CSMD1: variants seen among roughly 807,000 people sequenced by gnomAD.
The protein encoded by CSMD1 is CUB and sushi domain-containing protein 1.
A neutral mutation model predicts 417.5 loss-of-function variants in CSMD1; 213 were observed. The ratio of observed to expected loss-of-function variants is 0.51; its 90% CI spans 0.46 to 0.57. The LOEUF (loss-of-function observed/expected upper bound fraction) is 0.57. CSMD1 is among the 20% of genes least tolerant of loss of function. CSMD1 has a pLI of 0.00. For missense variants in CSMD1, 6,923 were observed against 4,529.7 expected, an observed-to-expected ratio of 1.53 and a Z score of -15.17; for synonymous variants, 2,862 against 1,736.8, an observed-to-expected ratio of 1.65 and a Z score of -16.11.
At chr8:3,861,469 G>A (rs1317693083) in intron 5 of CSMD1, among the ~76,000 whole-genome samples, 1 of 152,168 alleles carries the variant, frequency 6.6e-6, no homozygotes, top group Non-Finnish European at 1.5e-5. Flanking sequence ...GCATTTGAGA[G>A]GCCATAGATT....
At chr8:4,257,391 C>A (rs1260611730) in intron 3 of CSMD1, among the ~76,000 whole-genome samples, 2 of 151,744 alleles carry the variant, frequency 1.3e-5, no homozygotes, top group African/African-American at 4.9e-5. Flanking sequence ...TACCATTTTT[C>A]TTCATCTCAT....
intron 6 of CSMD1, among the ~76,000 whole-genome samples, chr8:3,750,754 G>C (rs1797298913): frequency 6.6e-6 from 1 of 152,138 alleles, no homozygotes. Context: ...GGAGGGCTGG[G>C]TGGCTGGCAG....
At chr8:4,360,901 A>G (rs1353443241) in intron 3 of CSMD1, among the ~76,000 whole-genome samples, 2 of 152,212 alleles carry the variant, frequency 1.3e-5, no homozygotes, top group Non-Finnish European at 2.9e-5. Context: ...CCCTGAAAGT[A>G]GAATTAGGCT....
intron 26 of CSMD1, 89 bp downstream of exon 26, chr8:3,284,055 A>C (rs1333589648): frequency 5.6e-6 from 6 of 1,063,180 alleles, no homozygotes; most frequent in Non-Finnish European, 8.5e-6. Flanking sequence ...CTGTGTAAGG[A>C]GACGCTGGTG....
intron 3 of CSMD1, among the ~76,000 whole-genome samples, chr8:4,387,371 T>C (rs1431095983): frequency 6.6e-6 from 1 of 152,038 alleles, no homozygotes; most frequent in African/African-American, 2.4e-5. Context: ...AAATTTCTTC[T>C]TATGTGTTAA....
chr8:4,750,847 G>A (rs190231342), intron 1 of CSMD1, among the ~76,000 whole-genome samples: 1 of 152,128 alleles, frequency 6.6e-6, no homozygotes, highest in Non-Finnish European at 1.5e-5. Flanking sequence ...TAGCTGATGA[G>A]ATATTGGGAT....
intron 3 of CSMD1, among the ~76,000 whole-genome samples, chr8:4,388,555 A>T (rs1803627095): frequency 6.8e-6 from 1 of 147,698 alleles, no homozygotes; most frequent in African/African-American, 2.5e-5. Context: ...ACTGAGGGGG[A>T]AGGGTGGGGG....
rs17079559 is a variant in CSMD1, at chr8:3,182,120, G to A, written c.5621-906C>T. On this transcript the variant is annotated intron_variant, in intron 36 of 69. Transcript: ENST00000635120. ...TTATTCAAGTACTGCTGTATAAAGG[G>A]AGAAATGATAATTTAAATAACAAAG... 1.2e-3 allele frequency among the ~76,000 whole-genome samples: 189 copies of A among 152,250 alleles called. 4 individuals carry two copies. The East Asian group carries it at 0.03, about 25-fold the overall frequency.
intron 3 of CSMD1, among the ~76,000 whole-genome samples, chr8:4,247,028 A>G (rs966699409): frequency 2.0e-5 from 3 of 152,246 alleles, no homozygotes; most frequent in African/African-American, 4.8e-5. Flanking sequence ...TGTGCTAAAT[A>G]TCATTCAAAA....
intron 4 of CSMD1, among the ~76,000 whole-genome samples, chr8:4,015,270 C>T (rs556470373): frequency 6.6e-6 from 1 of 152,278 alleles, no homozygotes; most frequent in Admixed American, 6.5e-5. Context: ...AAAAACACAG[C>T]TGTGTTTTAA....
chr8:3,722,298 A>T (rs749778698), intron 6 of CSMD1, among the ~76,000 whole-genome samples: 52 of 152,044 alleles, frequency 3.4e-4, no homozygotes, highest in Non-Finnish European at 6.0e-4. Flanking sequence ...ACAGAGTGAG[A>T]CTCCATCTCA....
At position 4,510,390 on chromosome 8, in the gene CSMD1, TAAAAAAAAAAAAA is replaced by T. The variant is rs34791623; in HGVS notation, c.303-90338_303-90326del. Among the ~76,000 whole-genome samples the T allele has an allele frequency of 4.6e-3, 254 of 54,646 alleles. 4 individuals are homozygous for T. Among genetic ancestry groups the T allele is most frequent in the Middle Eastern group, 0.019 (1 of 52 alleles). The allele number at this position is 54,646 out of a possible 152,430, so 35.8% of individuals were successfully genotyped here. Reference sequence around the variant, plus strand: ...GTAGACAATTAAAAAGCATAATGCCTAAAAAAAAAAAAAAAAAAAAAAAAAAAAAAAAGCAAAT... The same window carrying T: ...GTAGACAATTAAAAAGCATAATGCCTAAAAAAAAAAAAAAAAAAAGCAAAT... On this transcript the variant is annotated intron_variant, in intron 2 of 69. Coordinates refer to ENST00000635120, the MANE Select transcript of CSMD1 (RefSeq NM_033225.6).
chr8:4,336,621 G>A (rs1800188772), intron 3 of CSMD1, among the ~76,000 whole-genome samples: 1 of 152,130 alleles, frequency 6.6e-6, no homozygotes, highest in Non-Finnish European at 1.5e-5. Context: ...TTGTTGTGTT[G>A]CACAAATGAG....
chr8:3,995,119 C>T (rs965594074), intron 5 of CSMD1, among the ~76,000 whole-genome samples: 6 of 152,158 alleles, frequency 3.9e-5, no homozygotes, highest in African/African-American at 1.4e-4. Flanking sequence ...TGTAGAATTA[C>T]TGTAAAATAA....
At chr8:3,113,873 C>T (rs564081881) in intron 42 of CSMD1, among the ~76,000 whole-genome samples, 18 of 152,132 alleles carry the variant, frequency 1.2e-4, no homozygotes, top group Admixed American at 8.5e-4. Context: ...TGCAATGTGA[C>T]TTTCTGTGAA....
intron 10 of CSMD1, among the ~76,000 whole-genome samples, chr8:3,563,752 G>A (rs1020578256): frequency 3.9e-5 from 6 of 152,026 alleles, no homozygotes; most frequent in African/African-American, 1.4e-4. Flanking sequence ...AGCTAGGTGT[G>A]GTGGTAGGCA....
intron 5 of CSMD1, among the ~76,000 whole-genome samples, chr8:3,915,810 A>G (rs1182883762): frequency 6.9e-6 from 1 of 145,028 alleles, no homozygotes; most frequent in Non-Finnish European, 1.5e-5. Context: ...ACCTTTATCT[A>G]GTATGCATTT....
At chr8:4,854,898 G>C (rs1801703704) in intron 1 of CSMD1, among the ~76,000 whole-genome samples, 1 of 152,202 alleles carries the variant, frequency 6.6e-6, no homozygotes, top group South Asian at 2.1e-4. Flanking sequence ...AGCTCGAACT[G>C]GGTGGAGCCC....
chr8:4,870,218 T>C (rs555265387), intron 1 of CSMD1, among the ~76,000 whole-genome samples: 1 of 152,270 alleles, frequency 6.6e-6, no homozygotes, highest in Non-Finnish European at 1.5e-5. Flanking sequence ...CTGGTCCTTC[T>C]TCATCCCACA....
Sources: allele counts gnomAD v4.1 joint callset (sites outside exome capture counted in the v4.1 genomes callset), GRCh38; gene constraint gnomAD v4.1.1; transcripts MANE v1.5; gene names NCBI Gene and HGNC (gene_info 2026-07-23, HGNC 2026-07-21).